The following PTPRK variants were observed in gnomAD, a reference collection of about 807,000 sequenced individuals.
The protein encoded by PTPRK is receptor-type tyrosine-protein phosphatase kappa.
Under a neutral mutation model 178.0 loss-of-function variants are expected in PTPRK, and 75 were observed. The observed-to-expected ratio is 0.42, with a 90% CI of 0.35 to 0.51. PTPRK has a LOEUF of 0.51. Ranked by LOEUF, PTPRK falls within the 20% of genes least tolerant of loss-of-function variation. The pLI, the probability that PTPRK is intolerant of heterozygous loss-of-function variation, is 0.02. For synonymous variants in PTPRK, 637 were observed against 620.6 expected, an observed-to-expected ratio of 1.03 and a Z score of -0.39; for missense variants, 1,441 against 1,797.8, an observed-to-expected ratio of 0.80 and a Z score of 3.59.
intron 25 of PTPRK, among the ~76,000 whole-genome samples, chr6:127,979,999 A>G (rs557253510): frequency 1.1e-4 from 17 of 152,254 alleles, no homozygotes; most frequent in African/African-American, 4.1e-4. Flanking sequence ...CAATGTGGTG[A>G]AATCTCATCT....
intron 11 of PTPRK, among the ~76,000 whole-genome samples, chr6:128,076,798 C>T (rs1174027426): frequency 6.6e-6 from 1 of 151,878 alleles, no homozygotes; most frequent in African/African-American, 2.4e-5. Context: ...ACTGAGTTAA[C>T]AAAATTCCTG....
chr6:128,505,074 T>C lies in PTPRK; in HGVS notation c.100+15185A>G, dbSNP rs577192862. Among the ~76,000 whole-genome samples the C allele has an allele frequency of 4.6e-5, 7 of 151,480 alleles. No individual in the cohort carries two copies. In the South Asian group the frequency reaches 1.2e-3, roughly 27 times the overall value. On this transcript the variant is annotated intron_variant, in intron 1 of 29. Coordinates refer to ENST00000368226, the MANE Select transcript of PTPRK (RefSeq NM_002844.4). ...TGAGACTGAATCTGGTCAAACAGTA[T>C]ACCAAAATGATAACAACTTAAGAAA...
intron 4 of PTPRK, chr6:128,241,156 T>C (rs1293542910): frequency 2.1e-6 from 1 of 486,772 alleles, no homozygotes; most frequent in African/African-American, 2.0e-5. Context: ...TTTCTTAGAA[T>C]TTACCAACCA....
At chr6:128,463,741 G>GTTTTTTTT (rs896710320) in intron 1 of PTPRK, among the ~76,000 whole-genome samples, 3 of 96,870 alleles carry the variant, frequency 3.1e-5, no homozygotes, top group East Asian at 2.6e-4. Context: ...AATCTTCACG[G>GTTTTTTTT]TTTTTTTTTT....
intron 2 of PTPRK, among the ~76,000 whole-genome samples, chr6:128,393,995 C>T (rs1236690824): frequency 1.3e-5 from 2 of 152,086 alleles, no homozygotes; most frequent in African/African-American, 4.8e-5. Flanking sequence ...CTCCTTCATG[C>T]CACCTGACAA....
intron 6 of PTPRK, 122 bp downstream of exon 6, chr6:128,218,799 AT>A (rs1809842242): frequency 2.2e-6 from 2 of 916,566 alleles, no homozygotes; most frequent in East Asian, 2.6e-5. Context: ...ATGATGATAT[AT>A]TTTTTATAGT....
Position 128,168,555 on chromosome 6 carries a change from G to C in PTPRK, c.1162+15877C>G, listed in dbSNP as rs973829637. On this transcript the variant is annotated intron_variant, in intron 7 of 29. Coordinates refer to ENST00000368226, the MANE Select transcript of PTPRK (RefSeq NM_002844.4). ...GGAAGGCAAGGGAGAATCACCACCC[G>C]AGCACCACCTCCTGCCATATAAGTG... is the stretch of plus-strand genomic sequence containing the variant. Among the ~76,000 whole-genome samples, 4 of 151,974 alleles carry C rather than the reference G, an allele frequency of 2.6e-5. 1 individual carries two copies. The South Asian group carries it at 8.3e-4, about 32-fold the overall frequency.
intron 9 of PTPRK, among the ~76,000 whole-genome samples, chr6:128,083,166 C>A (rs1785121706): frequency 6.6e-6 from 1 of 152,004 alleles, no homozygotes; most frequent in African/African-American, 2.4e-5. Context: ...TATGTAGGAA[C>A]AGAACTACAC....
At chr6:128,036,845 C>T (rs1195691405) in intron 13 of PTPRK, among the ~76,000 whole-genome samples, 1 of 151,932 alleles carries the variant, frequency 6.6e-6, no homozygotes, top group Non-Finnish European at 1.5e-5. Flanking sequence ...GATTTTCCTG[C>T]CTCAGTCTCT....
At chr6:128,486,424 G>T (rs1852894516) in intron 1 of PTPRK, among the ~76,000 whole-genome samples, 1 of 152,014 alleles carries the variant, frequency 6.6e-6, no homozygotes, top group Non-Finnish European at 1.5e-5. Context: ...CAAACATAAA[G>T]AAAAAGTTTA....
At chr6:127,981,068 T>C (rs779795824) in intron 25 of PTPRK, 48 bp downstream of exon 25, 9 of 1,527,220 alleles carry the variant, frequency 5.9e-6, no homozygotes, top group Admixed American at 1.8e-5. Context: ...AGTTGCATTA[T>C]GTAGCTTTCC....
chr6:128,487,108 C>A (rs1268979935), intron 1 of PTPRK, among the ~76,000 whole-genome samples: 3 of 146,834 alleles, frequency 2.0e-5, no homozygotes, highest in Admixed American at 7.1e-5. Context: ...CTCCCTAATT[C>A]TCTTCTACTG....
In PTPRK at chr6:128,471,759, T is replaced by C. The variant is rs577350020; in HGVS notation, c.100+48500A>G. Among the ~76,000 whole-genome samples, 45 of 151,942 alleles carry C rather than the reference T, an allele frequency of 3.0e-4. No individual in the cohort carries two copies. The South Asian group carries it at 9.2e-3, about 31-fold the overall frequency. On this transcript the variant is annotated intron_variant, in intron 1 of 29. Coordinates refer to ENST00000368226, the MANE Select transcript of PTPRK (RefSeq NM_002844.4). ...AAGCTAGTGGCCCAACAGGTGTATG[T>C]GGAGTGTGCATGAAGTTAACAATGG...
chr6:128,392,514 C>T (rs1418000804), intron 2 of PTPRK, among the ~76,000 whole-genome samples: 1 of 152,098 alleles, frequency 6.6e-6, no homozygotes, highest in African/African-American at 2.4e-5. Context: ...CAGTCACAAT[C>T]CCTACTCTCA....
At chr6:128,387,040 C>T (rs2128360911) in intron 2 of PTPRK, among the ~76,000 whole-genome samples, 1 of 152,234 alleles carries the variant, frequency 6.6e-6, no homozygotes, top group South Asian at 2.1e-4. Flanking sequence ...TGCACTCCAG[C>T]CTGGGTGACA....
At chr6:128,068,567 A>G (rs905636017) in intron 11 of PTPRK, among the ~76,000 whole-genome samples, 3 of 152,146 alleles carry the variant, frequency 2.0e-5, no homozygotes, top group Middle Eastern at 3.2e-3. Flanking sequence ...AGAAAAAAAC[A>G]AAAAGAAAAA....
intron 13 of PTPRK, among the ~76,000 whole-genome samples, chr6:128,028,154 T>C (rs1475858804): frequency 6.6e-6 from 1 of 152,176 alleles, no homozygotes; most frequent in African/African-American, 2.4e-5. Context: ...ATTTAGCCAC[T>C]TAAAATTAAA....
Position 128,147,727 on chromosome 6 carries a change from C to T in PTPRK, c.1162+36705G>A, listed in dbSNP as rs118089789. On this transcript the variant is annotated intron_variant, in intron 7 of 29. Transcript: ENST00000368226. The stretch of plus-strand genomic sequence containing the variant: ...AGGATACCCTGGCTCAACAATAGAT[C>T]ATACGAAAACAACACAGGATAAAAC... Among the ~76,000 whole-genome samples the T allele has an allele frequency of 4.5e-3, 690 of 152,112 alleles. 2 individuals are homozygous for T. The highest frequency in any genetic ancestry group is 7.5e-3 in the Non-Finnish European group (513 of 67,984).
chr6:127,976,557 TATTA>T (rs1774623905), intron 27 of PTPRK, 96 bp downstream of exon 27: 1 of 1,391,102 alleles, frequency 7.2e-7, no homozygotes, highest in Admixed American at 1.8e-5. Flanking sequence ...ATATAGTGCT[TATTA>T]ATTGTAGTCT....
Sources: gnomAD v4.1 joint callset for allele counts (sites outside exome capture counted in the v4.1 genomes callset) on GRCh38, gnomAD v4.1.1 for gene constraint, MANE v1.5 for transcripts, NCBI Gene and HGNC (gene_info 2026-07-23, HGNC 2026-07-21) for gene names.